CROCC: variants seen among roughly 807,000 people sequenced by gnomAD.
CROCC encodes ciliary rootlet coiled-coil, rootletin, also known as rootletin.
In CROCC, 180 loss-of-function variants were observed where a neutral mutation model predicts 245.2. The observed-to-expected ratio is 0.73, with a 90% CI of 0.65 to 0.83. The LOEUF (loss-of-function observed/expected upper bound fraction) is 0.83, where lower values mean the gene tolerates loss of function less well. Among genes scored for constraint, CROCC ranks in the 40% least tolerant of loss-of-function variants. The pLI, the probability that CROCC is intolerant of heterozygous loss-of-function variation, is 0.00. For missense variants in CROCC, 2,688 were observed against 2,779.4 expected (o/e 0.97, Z 0.74); for synonymous variants, 1,205 against 1,241.6 (o/e 0.97, Z 0.62).
chr1:16,942,434 G>T (rs1212503635), intron 13 of CROCC, among the ~76,000 whole-genome samples: 1 of 152,282 alleles, frequency 6.6e-6, no homozygotes, highest in South Asian at 2.1e-4. Flanking sequence ...AAAAGACAGC[G>T]CCTTCTCACA....
chr1:16,962,351 GTGA>G (rs781260252), intron 27 of CROCC, among the ~76,000 whole-genome samples: 1 of 150,610 alleles, frequency 6.6e-6, no homozygotes, highest in South Asian at 2.1e-4. Context: ...CGAGACCACA[GTGA>G]AACCCCGTCT....
chr1:16,958,152 A>G (rs947268569), intron 25 of CROCC, among the ~76,000 whole-genome samples: 1 of 152,168 alleles, frequency 6.6e-6, no homozygotes, highest in African/African-American at 2.4e-5. Context: ...TAATGTTACT[A>G]CCTACCTCAT....
At chr1:16,961,958 C>T (rs1304113242) in intron 27 of CROCC, among the ~76,000 whole-genome samples, 1 of 152,206 alleles carries the variant, frequency 6.6e-6, no homozygotes, top group African/African-American at 2.4e-5. Context: ...AGCTTCCATC[C>T]TGCCATATAC....
chr1:16,917,174 C>T (rs200722800), upstream of CROCC, among the ~76,000 whole-genome samples: 15 of 152,290 alleles, frequency 9.8e-5, no homozygotes, highest in Non-Finnish European at 1.9e-4. Context: ...ACCTAGGTCG[C>T]GGCTGTGACT....
At chr1:16,936,575 T>G in intron 8 of CROCC, 62 bp from the exon 9 acceptor site, 5 of 1,460,206 alleles carry the variant, frequency 3.4e-6, no homozygotes, top group Admixed American at 2.3e-5. Flanking sequence ...TGCCCAAGCA[T>G]AGTTTTAATT....
At chr1:16,963,827 G>A (rs1044301328) in intron 27 of CROCC, among the ~76,000 whole-genome samples, 5 of 151,466 alleles carry the variant, frequency 3.3e-5, no homozygotes, top group Admixed American at 6.6e-5. Context: ...CCCAAGTCTC[G>A]CTCTATTGCC....
At chr1:16,941,041 G>A in intron 13 of CROCC, 1 of 264,974 alleles carries the variant, frequency 3.8e-6, no homozygotes, top group South Asian at 3.3e-5. Context: ...TAAATTTTTT[G>A]TAGAGATGGG....
intron 18 of CROCC, 30 bp downstream of exon 18, chr1:16,948,554 C>G: frequency 1.3e-6 from 2 of 1,500,804 alleles, no homozygotes; most frequent in Non-Finnish European, 1.8e-6. Flanking sequence ...CCAACCCGCC[C>G]TGGGGGGTCC....
chr1:16,937,016 G>T, intron 9 of CROCC, 143 bp downstream of exon 9: 6 of 904,158 alleles, frequency 6.6e-6, no homozygotes, highest in Non-Finnish European at 1.0e-5. Flanking sequence ...CTGAGGTTCC[G>T]AAGGCACTTG....
chr1:16,962,162 A>C (rs1229372437), intron 27 of CROCC, among the ~76,000 whole-genome samples: 2 of 151,508 alleles, frequency 1.3e-5, no homozygotes, highest in Admixed American at 1.3e-4. Context: ...TCCTGGGTTC[A>C]AGTGATTCTC....
intron 13 of CROCC, chr1:16,940,734 T>C (rs910243533): frequency 4.0e-6 from 1 of 247,426 alleles, no homozygotes; most frequent in African/African-American, 2.3e-5. Context: ...TGTTTTGTTT[T>C]GCTTTGTTTT....
chr1:16,930,271 C>G lies in CROCC; in HGVS notation c.622-15C>G, dbSNP rs1384699696. On this transcript the variant is annotated splice_polypyrimidine_tract_variant and intron_variant, in intron 5 of 36. Transcript: ENST00000375541. ...CACCTGCCCAACCTGATGCTTTAAC[C>G]TCTCTCCCACCCAGGACACAGAGCA... 7 of 1,597,790 alleles carry G rather than the reference C, an allele frequency of 4.4e-6. No individual in the cohort carries two copies. Among genetic ancestry groups the G allele is most frequent in the Non-Finnish European group, 6.0e-6 (7 of 1,172,864 alleles).
At chr1:16,941,432 AAATAAT>A (rs1311464262) in intron 13 of CROCC, 1 of 151,924 alleles carries the variant, frequency 6.6e-6, no homozygotes, top group Non-Finnish European at 1.5e-5. Flanking sequence ...CTCAAAAAAA[AAATAAT>A]AATAATAATG....
At position 16,966,206 on chromosome 1, in the gene CROCC, C is replaced by T. The variant is rs1353389621; in HGVS notation, c.4696+87C>T. ...CCGGGGGATTGGCCTCTGACCTTGC[C>T]GTGGCCCCCATGACCTGACTCGGGG... On this transcript the variant is annotated intron_variant, in intron 29 of 36. Coordinates refer to ENST00000375541, the MANE Select transcript of CROCC (RefSeq NM_014675.5). This position sits in a 1 kb window ranked among gnomAD's most constrained non-coding sequence, Gnocchi z 4.8. 9.8e-6 allele frequency: 15 copies of T among 1,527,756 alleles called. No individual in the cohort carries two copies. In the South Asian group the frequency reaches 1.0e-4, roughly 10 times the overall value. 94.6% of individuals were successfully genotyped at this position (1,527,756 alleles called of 1,614,324 possible). A position where few individuals can be genotyped will look rare whatever the true frequency, so the allele number is the denominator to read the frequency against.
Position 16,972,500 on chromosome 1 carries a change from T to C in CROCC, c.*54T>C. On this transcript the variant is annotated 3_prime_UTR_variant, in exon 37 of 37. Coordinates refer to ENST00000375541, the MANE Select transcript of CROCC (RefSeq NM_014675.5). ...TGTGCCTGGGACAGGGGAGGACCCT[T>C]CTTTTGGACAGCCCCCCCACCCAGA... 1 of 1,280,978 alleles carries C rather than the reference T, an allele frequency of 7.8e-7. No homozygotes were observed. The highest frequency in any genetic ancestry group is 1.1e-6 in the Non-Finnish European group (1 of 925,916). The allele number at this position is 1,280,978 out of a possible 1,614,324, so 79.4% of individuals were successfully genotyped here. A position where few individuals can be genotyped will look rare whatever the true frequency, so the allele number is the denominator to read the frequency against.
At chr1:16,953,531 C>G (rs1447877942) in intron 21 of CROCC, 50 bp downstream of exon 21, 5 of 1,511,650 alleles carry the variant, frequency 3.3e-6, no homozygotes, top group African/African-American at 1.4e-5. Flanking sequence ...TGCTCCAGTT[C>G]TGGGGCCGGG....
At chr1:16,957,999 T>A (rs6697963) in intron 25 of CROCC, among the ~76,000 whole-genome samples, 156 of 100,668 alleles carry the variant, frequency 1.5e-3, no homozygotes, top group Admixed American at 0.012. Flanking sequence ...GCAGTACCCC[T>A]CCCTGCTCCT....
intron 30 of CROCC, among the ~76,000 whole-genome samples, chr1:16,967,230 C>T (rs747378106): frequency 6.6e-6 from 1 of 152,150 alleles, no homozygotes; most frequent in African/African-American, 2.4e-5. Context: ...TTTTATGTCT[C>T]TGTAGTTCTG....
chr1:16,970,050 A>C, intron 33 of CROCC, 116 bp downstream of exon 33: 1 of 1,347,654 alleles, frequency 7.4e-7, no homozygotes, highest in Non-Finnish European at 1.0e-6. Context: ...TCCAGTAAGG[A>C]AACATGGTTC....
Sources: allele counts gnomAD v4.1 joint callset (sites outside exome capture counted in the v4.1 genomes callset), GRCh38; gene constraint gnomAD v4.1.1; non-coding constraint Gnocchi (gnomAD v3.1); transcripts MANE v1.5; gene names NCBI Gene and HGNC (gene_info 2026-07-23, HGNC 2026-07-21).